The following NACA variants were observed in gnomAD, a reference collection of about 807,000 sequenced individuals.
NACA encodes the protein nascent polypeptide-associated complex subunit alpha.
A neutral mutation model predicts 86.4 loss-of-function variants in NACA; 42 were observed. The ratio of observed to expected loss-of-function variants is 0.49; its 90% CI spans 0.38 to 0.63. The LOEUF (loss-of-function observed/expected upper bound fraction) is 0.63, where lower values mean the gene tolerates loss of function less well. Among genes scored for constraint, NACA ranks in the 20% least tolerant of loss-of-function variants. NACA has a pLI of 0.00. For synonymous variants in NACA, 898 were observed against 973.7 expected (o/e 0.92, Z 1.45); for missense variants, 2,157 against 2,483.6 (o/e 0.87, Z 2.80).
intron 2 of NACA, among the ~76,000 whole-genome samples, chr12:56,723,801 T>C (rs1472912709): frequency 6.6e-6 from 1 of 152,218 alleles, no homozygotes; most frequent in Non-Finnish European, 1.5e-5. Context: ...TCTACAGAGA[T>C]ATGTTTTAAC....
chr12:56,714,863 GCGGGTA>G (rs1369040234), intron 3 of NACA, 176 bp from the exon 4 acceptor site: 1 of 617,524 alleles, frequency 1.6e-6, no homozygotes, highest in Non-Finnish European at 2.9e-6. Context: ...TCACTAACTA[GCGGGTA>G]CACATCTAGT....
intron 2 of NACA, among the ~76,000 whole-genome samples, chr12:56,723,740 A>C (rs1483325471): frequency 6.6e-6 from 1 of 152,144 alleles, no homozygotes; most frequent in Non-Finnish European, 1.5e-5. Context: ...TGCACAACTG[A>C]CTCAGAAAGG....
At position 56,717,178 on chromosome 12, in the gene NACA, G is replaced by A. The variant is rs553055862; in HGVS notation, c.4352C>T (p.Ala1451Val). The change falls in exon 3 of 9, where the codon GCC becomes GTC. Residue 1451 changes from alanine (A) to valine (V), a missense_variant. This residue lies in a region of NACA where 797 missense variants were observed against 777.6 expected (regional missense o/e 1.02). Transcript: ENST00000454682. ...VSLKKAPATS[A>V]PKGGPATPSS... is the part of the protein sequence containing the mutation. ...TGGGGTAGCTGGGCCTCCTTTGGGG[G>A]CTGAAGTTGCTGGGGCCTTTTTGAG... The A allele has an allele frequency of 1.4e-5, 18 of 1,298,238 alleles. 1 individual carries two copies. In the African/African-American group the frequency reaches 2.3e-4, roughly 17 times the overall value. 80.4% of individuals were successfully genotyped at this position (1,298,238 alleles called of 1,614,324 possible). A position where few individuals can be genotyped will look rare whatever the true frequency, so the allele number is the denominator to read the frequency against.
At chr12:56,715,599 T>C (rs1365320960) in intron 3 of NACA, among the ~76,000 whole-genome samples, 3 of 151,992 alleles carry the variant, frequency 2.0e-5, no homozygotes, top group Non-Finnish European at 4.4e-5. Context: ...TTAGGTAAAA[T>C]AGATGGCATG....
In NACA at chr12:56,717,294, G is replaced by C. The variant is rs200989071; in HGVS notation, c.4236C>G (p.Pro1412=). The C allele has an allele frequency of 6.7e-6, 9 of 1,343,420 alleles. No individual in the cohort carries two copies. The highest frequency in any genetic ancestry group is 8.8e-6 in the Non-Finnish European group (9 of 1,025,766). The allele number at this position is 1,343,420 out of a possible 1,614,324, so 83.2% of individuals were successfully genotyped here. Residue 1412 remains proline, a synonymous_variant, in exon 3 of 9, where the codon CCC becomes CCG. Transcript: ENST00000454682. ...TGACTGGAGTTGCTGGAGCCTTTTT[G>C]GGGGAGAGAGGAATCACTGCTGGGG... The part of the protein sequence containing the change: ...PTSPAVIPLS[P]KKAPATPVTR...
rs748427349 is a variant in NACA at position 56,720,670 on chromosome 12, G to T, written c.860C>A (p.Thr287Asn). 1 of 1,614,010 alleles carries T rather than the reference G, an allele frequency of 6.2e-7. No individual in the cohort carries two copies. The highest frequency in any genetic ancestry group is 8.5e-7 in the Non-Finnish European group (1 of 1,179,910). ...SLSTQSLPVV[T>N]SSQKTAGPNT... The stretch of plus-strand genomic sequence containing the variant: ...GGGACCCGCAGTCTTTTGAGAAGAG[G>T]TCACCACAGGAAGAGACTGAGTTGA... The change falls in exon 3 of 9, where the codon ACC (threonine) becomes AAC (asparagine). Residue 287 changes from threonine to asparagine, a missense_variant. By Grantham distance (65) the Thr-to-Asn change is moderately conservative. This residue lies in a region of NACA where 947 missense variants were observed against 917.9 expected (regional missense o/e 1.03). Transcript: ENST00000454682.
Position 56,721,056 on chromosome 12 carries a change from A to G in NACA, c.474T>C (p.Leu158=). 1 of 1,613,924 alleles carries G rather than the reference A, an allele frequency of 6.2e-7. No homozygotes were observed. The highest frequency in any genetic ancestry group is 2.2e-5 in the East Asian group (1 of 44,884). Residue 158 remains leucine (L), a synonymous_variant, in exon 3 of 9, where the codon CTT becomes CTC. Transcript: ENST00000454682. ...CTACAGCCACTGAAGGAGGTGAAGT[A>G]AGAAGGTTAGGTGGAAAAGCAGAAC... ...QKSSAFPPNL[L]TSPPSVAVAE... is the part of the protein sequence containing the mutation.
rs753879408 is a variant in NACA, at chr12:56,714,645, A to G, written c.5702T>C (p.Leu1901Pro). Residue 1901 changes from leucine to proline, a missense_variant, in exon 4 of 9, where the codon CTT becomes CCT. Leu to Pro is a moderately conservative substitution (Grantham distance 98). Coordinates refer to ENST00000454682, the MANE Select transcript of NACA (RefSeq NM_001365896.1). ...ESDSDESVPELEEQDSTQATT... is the reference protein window; with the variant it reads ...ESDSDESVPEPEEQDSTQATT... ...TGCCTGGGTGGAATCCTGTTCTTCAAGCTCTGGTACTGATTCATCACTGTC... is the reference window on the plus strand; with the variant it reads ...TGCCTGGGTGGAATCCTGTTCTTCAGGCTCTGGTACTGATTCATCACTGTC... The G allele has an allele frequency of 1.2e-6, 2 of 1,614,182 alleles. No individual in the cohort carries two copies. Among genetic ancestry groups the G allele is most frequent in the Admixed American group, 3.3e-5 (2 of 60,016 alleles).
At chr12:56,715,825 T>G (rs750064901) in intron 3 of NACA, 46 bp downstream of exon 3, 1 of 1,455,962 alleles carries the variant, frequency 6.9e-7, no homozygotes, top group Non-Finnish European at 9.2e-7. Flanking sequence ...CCAAGAGGGG[T>G]GTGGACGACA....
At position 56,718,475 on chromosome 12, in the gene NACA, G is replaced by A. The variant is rs763705898; in HGVS notation, c.3055C>T (p.Pro1019Ser). 3.0e-5 allele frequency: 38 copies of A among 1,247,868 alleles called. 1 individual carries two copies. The highest frequency in any genetic ancestry group is 3.3e-4 in the Middle Eastern group (1 of 3,076). 77.3% of individuals were successfully genotyped at this position (1,247,868 alleles called of 1,614,324 possible). ...PTPPAVTPPSPKGSPAATPFP... is the reference protein window; with the variant it reads ...PTPPAVTPPSSKGSPAATPFP... ...GGGGTAGCTGCTGGACTTCCTTTGG[G>A]GGAGGGAGGAGTCACAGCTGGGGGT... Residue 1019 changes from proline (P) to serine (S), a missense_variant, in exon 3 of 9, where the codon CCC becomes TCC. Physicochemically the swap from Pro to Ser is moderately conservative, Grantham distance 74 (BLOSUM62 -1). Around this residue, in one of 8 missense-constraint regions of NACA, gnomAD observed 124 missense variants for 186.5 expected, o/e 0.66. Transcript: ENST00000454682.
In NACA at chr12:56,719,299, G is replaced by A; in HGVS notation, c.2231C>T (p.Thr744Ile). 1 of 1,597,948 alleles carries A rather than the reference G, an allele frequency of 6.3e-7. No homozygotes were observed. The highest frequency in any genetic ancestry group is 1.1e-5 in the South Asian group (1 of 89,956). ...ATCAACCTTTTTTGTACCTGGAGGA[G>A]TCCCAGCTGGGGGAAGAGAGGGTGA... ...VPSPSLPPAG[T>I]PPGTKKVDGI... Residue 744 changes from threonine to isoleucine, a missense_variant, in exon 3 of 9, where the codon ACT becomes ATT. Thr to Ile is a moderately conservative substitution (Grantham distance 89). Transcript: ENST00000454682.
Position 56,720,519 on chromosome 12 carries a change from C to T in NACA, c.1011G>A (p.Lys337=). The change falls in exon 3 of 9, where the codon AAG becomes AAA. Residue 337 remains lysine, a synonymous_variant. Coordinates refer to ENST00000454682, the MANE Select transcript of NACA (RefSeq NM_001365896.1). The stretch of plus-strand genomic sequence containing the variant: ...TGGAAGAATGATCTACAGAAATGGT[C>T]TTCACTGTAGGGTCTGACAAAGCAC... ...GPSALSDPTV[K]TISVDHSSTG... is the part of the protein sequence containing the mutation. 1 of 1,613,862 alleles carries T rather than the reference C, an allele frequency of 6.2e-7. No individual in the cohort carries two copies. Among genetic ancestry groups the T allele is most frequent in the Non-Finnish European group, 8.5e-7 (1 of 1,179,798 alleles).
At position 56,712,914 on chromosome 12, in the gene NACA, A is replaced by C. The variant is rs186711868; in HGVS notation, c.6100-6T>G. The C allele has an allele frequency of 3.8e-5, 62 of 1,614,148 alleles. No individual in the cohort carries two copies. The East Asian group carries it at 1.3e-3, about 34-fold the overall frequency. ...TCTACACCTGTTTCATCGACCTGAG[A>C]GATGAGAGGGAAAAAGCAGTAAATT... On this transcript the variant is annotated splice_region_variant and splice_polypyrimidine_tract_variant and intron_variant, in intron 7 of 8. Coordinates refer to ENST00000454682, the MANE Select transcript of NACA (RefSeq NM_001365896.1).
In NACA at chr12:56,717,762, A is replaced by G. The variant is rs1953425763; in HGVS notation, c.3768T>C (p.Ala1256=). 8 of 1,149,974 alleles carry G rather than the reference A, an allele frequency of 7.0e-6. No homozygotes were observed. Among genetic ancestry groups the G allele is most frequent in the Non-Finnish European group, 8.7e-6 (8 of 924,408 alleles). 71.2% of individuals were successfully genotyped at this position (1,149,974 alleles called of 1,614,324 possible). A position where few individuals can be genotyped will look rare whatever the true frequency, so the allele number is the denominator to read the frequency against. ...ATPPSPKGGP[A]TPPPKGAPTP... is the part of the protein sequence containing the mutation. ...TGGGGGCCCCTTTGGGGGGTGGGGTAGCTGGGCCTCCTTTTGGGGAGGGAG... is the reference window on the plus strand; with the variant it reads ...TGGGGGCCCCTTTGGGGGGTGGGGTGGCTGGGCCTCCTTTTGGGGAGGGAG... The change falls in exon 3 of 9, where the codon GCT becomes GCC. Residue 1256 remains alanine, a synonymous_variant. Coordinates refer to ENST00000454682, the MANE Select transcript of NACA (RefSeq NM_001365896.1).
At position 56,720,868 on chromosome 12, in the gene NACA, G is replaced by A; in HGVS notation, c.662C>T (p.Ala221Val). ...TVPYHCVTPM[A>V]SIQSGVASLP... ...GGAGGCCACTCCAGATTGAATAGAG[G>A]CCATGGGAGTCACACAGTGGTAAGG... Residue 221 changes from alanine (A) to valine (V), a missense_variant, in exon 3 of 9, where the codon GCC (alanine) becomes GTC (valine). Ala to Val is a moderately conservative substitution (Grantham distance 64). Around this residue, in one of 8 missense-constraint regions of NACA, gnomAD observed 947 missense variants for 917.9 expected, o/e 1.03. Transcript: ENST00000454682. 1.2e-6 allele frequency: 2 copies of A among 1,613,870 alleles called. No individual in the cohort carries two copies. The highest frequency in any genetic ancestry group is 1.3e-5 in the African/African-American group (1 of 74,914).
chr12:56,716,828 TG>T lies in NACA; in HGVS notation c.4701del (p.Glu1569LysfsTer17). 9.2e-7 allele frequency: 1 copy of T among 1,088,786 alleles called. No homozygotes were observed. The highest frequency in any genetic ancestry group is 1.1e-6 in the Non-Finnish European group (1 of 892,676). The allele number at this position is 1,088,786 out of a possible 1,614,324, so 67.4% of individuals were successfully genotyped here. ...SPKKTPAIPT[P>X]KEAPATPSSK... Reference sequence around the variant, plus strand: ...GAGGATGGGGTAGCTGGGGCTTCTTTGGGGGTTGGAATTGCTGGGGTCTTTT... The same window carrying T: ...GAGGATGGGGTAGCTGGGGCTTCTTTGGGGTTGGAATTGCTGGGGTCTTTT... On this transcript the variant is annotated frameshift_variant, in exon 3 of 9. Transcript: ENST00000454682. LOFTEE classifies it high-confidence loss of function.
In NACA at chr12:56,715,860, A is replaced by G. The variant is rs1953340765; in HGVS notation, c.5659+11T>C. On this transcript the variant is annotated intron_variant, in intron 3 of 8. Coordinates refer to ENST00000454682, the MANE Select transcript of NACA (RefSeq NM_001365896.1). ...AGACACACCATGCACACGGCAAACC[A>G]AGGCAAATACCCTTGTTGTTCTTCG... The G allele has an allele frequency of 6.6e-7, 1 of 1,509,160 alleles. No individual in the cohort carries two copies. Among genetic ancestry groups the G allele is most frequent in the Non-Finnish European group, 8.9e-7 (1 of 1,128,630 alleles). 93.5% of individuals were successfully genotyped at this position (1,509,160 alleles called of 1,614,324 possible).
At chr12:56,713,330 A>G (rs1416328250) in intron 6 of NACA, 140 bp from the exon 7 acceptor site, 14 of 1,270,980 alleles carry the variant, frequency 1.1e-5, no homozygotes, top group Non-Finnish European at 1.4e-5. Context: ...CAGTAGAAAG[A>G]GTAGTTGTTT....
Position 56,717,631 on chromosome 12 carries a change from C to A in NACA, c.3899G>T (p.Gly1300Val), listed in dbSNP as rs373860894. ...AVVTPPSPKG[G>V]PATSPPKGAP... ...CCCTTTGGGGGGTGAGGTAGCTGGG[C>A]CTCCTTTTGGAGAGGGAGGAGTTAC... is the stretch of plus-strand genomic sequence containing the variant. Residue 1300 changes from glycine to valine, a missense_variant, in exon 3 of 9, where the codon GGC (glycine) becomes GTC (valine). Gly to Val is a moderately radical substitution (Grantham distance 109, BLOSUM62 -3). Coordinates refer to ENST00000454682, the MANE Select transcript of NACA (RefSeq NM_001365896.1). 1,776 of 1,215,310 alleles carry A rather than the reference C, an allele frequency of 1.5e-3. 2 individuals carry two copies. The highest frequency in any genetic ancestry group is 1.8e-3 in the Non-Finnish European group (1,732 of 958,098). 75.3% of individuals were successfully genotyped at this position (1,215,310 alleles called of 1,614,324 possible). A position where few individuals can be genotyped will look rare whatever the true frequency, so the allele number is the denominator to read the frequency against.
Sources: gnomAD v4.1 joint callset for allele counts (sites outside exome capture counted in the v4.1 genomes callset) on GRCh38, gnomAD v4.1.1 for gene constraint, gnomAD v4.1.1 regional missense constraint, MANE v1.5 for transcripts, NCBI Gene and HGNC (gene_info 2026-07-23, HGNC 2026-07-21) for gene names.